The following AKAP13 variants were observed in gnomAD, a reference collection of about 807,000 sequenced individuals.
AKAP13 encodes A-kinase anchoring protein 13, also known as A-kinase anchor protein 13.
AKAP13 carries 80 observed loss-of-function variants against 264.5 expected under a neutral mutation model. The observed-to-expected ratio is 0.30, with a 90% CI of 0.25 to 0.36. The LOEUF is 0.36. Ranked by LOEUF, AKAP13 falls within the 10% of genes least tolerant of loss-of-function variation. The pLI is 1.00. For synonymous variants in AKAP13, 1,380 were observed against 1,250.2 expected, an observed-to-expected ratio of 1.10 and a Z score of -2.19; for missense variants, 3,712 against 3,435.2, an observed-to-expected ratio of 1.08 and a Z score of -2.01.
intron 25 of AKAP13, 66 bp downstream of exon 25, chr15:85,722,413 G>A (rs7179917): frequency 0.2 from 267,635 of 1,319,078 alleles, 29,836 homozygotes; most frequent in Non-Finnish European, 0.23. Flanking sequence ...CAGTAGTACT[G>A]GAAGCCCCAT....
intron 8 of AKAP13, among the ~76,000 whole-genome samples, chr15:85,638,791 G>T: frequency 6.7e-6 from 1 of 150,334 alleles, no homozygotes; most frequent in African/African-American, 2.5e-5. Flanking sequence ...ATGGCGTCTT[G>T]CTCCGCCCAG....
chr15:85,558,122 G>C (rs2078217663), intron 5 of AKAP13, among the ~76,000 whole-genome samples: 1 of 152,060 alleles, frequency 6.6e-6, no homozygotes, highest in African/African-American at 2.4e-5. Flanking sequence ...GAATTGAAAA[G>C]TTAAAAAAAA....
chr15:85,702,479 G>C (rs1183948626), intron 17 of AKAP13: 1 of 152,134 alleles, frequency 6.6e-6, no homozygotes, highest in African/African-American at 2.4e-5. Flanking sequence ...CGCGTCTCAT[G>C]TCCAGGATCT....
At chr15:85,739,088 G>A (rs1387299216) in intron 33 of AKAP13, among the ~76,000 whole-genome samples, 1 of 152,090 alleles carries the variant, frequency 6.6e-6, no homozygotes, top group Non-Finnish European at 1.5e-5. Context: ...AATTTACTTA[G>A]TCTTTGTGAT....
chr15:85,694,155 T>G (rs1161740323), intron 17 of AKAP13, among the ~76,000 whole-genome samples: 1 of 152,234 alleles, frequency 6.6e-6, no homozygotes, highest in Non-Finnish European at 1.5e-5. Context: ...TTTATTCTAT[T>G]ACTTTGGTAT....
At chr15:85,617,192 G>T (rs913554769) in intron 8 of AKAP13, among the ~76,000 whole-genome samples, 4 of 152,188 alleles carry the variant, frequency 2.6e-5, no homozygotes, top group Non-Finnish European at 5.9e-5. Context: ...TTATCTGCAT[G>T]TAAGTCACTG....
intron 14 of AKAP13, among the ~76,000 whole-genome samples, chr15:85,671,592 C>A: frequency 6.6e-6 from 1 of 151,658 alleles, no homozygotes; most frequent in African/African-American, 2.4e-5. Flanking sequence ...AGATATGTCC[C>A]CCAGAACTGT....
At chr15:85,636,438 G>C (rs768656371) in intron 8 of AKAP13, among the ~76,000 whole-genome samples, 50 of 152,160 alleles carry the variant, frequency 3.3e-4, no homozygotes, top group Non-Finnish European at 5.9e-4. Flanking sequence ...TTGAATAAAA[G>C]TGATGAGAAT....
intron 14 of AKAP13, among the ~76,000 whole-genome samples, chr15:85,671,181 CAG>C (rs1452036597): frequency 1.1e-4 from 16 of 151,918 alleles, no homozygotes; most frequent in Admixed American, 9.8e-4. Context: ...GAGTTGGTGA[CAG>C]AAGCAGATGC....
At chr15:85,458,393 G>GTTTT (rs4037636) in intron 1 of AKAP13, among the ~76,000 whole-genome samples, 21,194 of 119,862 alleles carry the variant, frequency 0.18, 1,806 homozygotes, top group Admixed American at 0.29. Flanking sequence ...TTTGTTTTTT[G>GTTTT]TTTTTTTTTT....
At chr15:85,671,425 C>T (rs1403946735) in intron 14 of AKAP13, among the ~76,000 whole-genome samples, 1 of 90,534 alleles carries the variant, frequency 1.1e-5, no homozygotes, top group Non-Finnish European at 1.9e-5. Context: ...TAGAGTGAGA[C>T]ACTGCCTCAA....
At chr15:85,466,864 T>C (rs1213481045) in intron 1 of AKAP13, among the ~76,000 whole-genome samples, 4 of 152,202 alleles carry the variant, frequency 2.6e-5, no homozygotes, top group Non-Finnish European at 2.9e-5. Context: ...TAATCTTCTT[T>C]AATTTTTGTC....
intron 16 of AKAP13, among the ~76,000 whole-genome samples, chr15:85,687,961 G>C (rs1410315186): frequency 1.3e-5 from 2 of 150,940 alleles, no homozygotes; most frequent in Admixed American, 1.3e-4. Flanking sequence ...GATCACTTGA[G>C]CCGAGGAGTT....
intron 2 of AKAP13, among the ~76,000 whole-genome samples, chr15:85,508,114 C>G (rs1489198965): frequency 6.6e-6 from 1 of 151,842 alleles, no homozygotes; most frequent in Non-Finnish European, 1.5e-5. Flanking sequence ...ATTGATGGAG[C>G]CTCTCTTTTC....
chr15:85,488,513 A>AAT (rs1215447497), intron 2 of AKAP13, among the ~76,000 whole-genome samples: 1 of 152,252 alleles, frequency 6.6e-6, no homozygotes, highest in African/African-American at 2.4e-5. Flanking sequence ...AGAACCTGTG[A>AAT]ATATTTACCT....
chr15:85,522,466 G>T (rs1170525556), intron 3 of AKAP13, among the ~76,000 whole-genome samples: 1 of 152,076 alleles, frequency 6.6e-6, no homozygotes, highest in Non-Finnish European at 1.5e-5. Flanking sequence ...TGGTGGAGAG[G>T]GATGTACCTG....
intron 8 of AKAP13, among the ~76,000 whole-genome samples, chr15:85,623,838 G>A (rs1476682543): frequency 2.6e-5 from 4 of 152,194 alleles, no homozygotes; most frequent in African/African-American, 9.7e-5. Flanking sequence ...TACAGTATGT[G>A]GTTGGTAACT....
chr15:85,688,080 G>A (rs2085054065), intron 16 of AKAP13, among the ~76,000 whole-genome samples: 1 of 150,062 alleles, frequency 6.7e-6, no homozygotes, highest in Non-Finnish European at 1.5e-5. Context: ...AGGGGAAATA[G>A]TAAAGCAGTA....
At chr15:85,738,023 C>T (rs1466157943) in intron 33 of AKAP13, among the ~76,000 whole-genome samples, 1 of 152,178 alleles carries the variant, frequency 6.6e-6, no homozygotes, top group Non-Finnish European at 1.5e-5. Context: ...GTTTGTTTTT[C>T]AGACATTCCA....
Sources: gnomAD v4.1 joint callset for allele counts (sites outside exome capture counted in the v4.1 genomes callset) on GRCh38, gnomAD v4.1.1 for gene constraint, MANE v1.5 for transcripts, NCBI Gene and HGNC (gene_info 2026-07-23, HGNC 2026-07-21) for gene names.